The following NEGR1 variants were observed in gnomAD, a reference collection of about 807,000 sequenced individuals.
The protein encoded by NEGR1 is IgLON family member 4.
A neutral mutation model predicts 40.9 loss-of-function variants in NEGR1; 10 were observed. The ratio of observed to expected loss-of-function variants is 0.24; its 90% CI spans 0.15 to 0.42. The LOEUF is 0.42. Among genes scored for constraint, NEGR1 ranks in the 10% least tolerant of loss-of-function variants. NEGR1 has a pLI of 1.00. For synonymous variants in NEGR1, 185 were observed against 166.8 expected (o/e 1.11, Z -0.84); for missense variants, 352 against 438.9 (o/e 0.80, Z 1.77).
rs548787352 is a variant in NEGR1 at position 71,431,319 on chromosome 1, C to G, written c.941-23749G>C. ...TAAAGTAAAACATGGCTATAGCTCCCAATTTTTCTAGCAAAGTGTACAATA... is the reference window on the plus strand; with the variant it reads ...TAAAGTAAAACATGGCTATAGCTCCGAATTTTTCTAGCAAAGTGTACAATA... On this transcript the variant is annotated intron_variant, in intron 6 of 6. Transcript: ENST00000357731. 2.0e-5 allele frequency among the ~76,000 whole-genome samples: 3 copies of G among 152,074 alleles called. No homozygotes were observed. The South Asian group carries it at 6.2e-4, about 32-fold the overall frequency.
intron 1 of NEGR1, among the ~76,000 whole-genome samples, chr1:72,075,218 G>A (rs12033161): frequency 0.078 from 11,855 of 152,162 alleles, 626 homozygotes; most frequent in East Asian, 0.28. Flanking sequence ...TGTAATTAAA[G>A]TTTTGAAAAT....
intron 6 of NEGR1, among the ~76,000 whole-genome samples, chr1:71,538,453 T>C (rs572332926): frequency 6.6e-6 from 1 of 151,764 alleles, no homozygotes; most frequent in South Asian, 2.1e-4. Flanking sequence ...ACAGCAGAAA[T>C]TAATCCTTTT....
chr1:71,965,658 T>C (rs181309493), intron 1 of NEGR1, among the ~76,000 whole-genome samples: 1 of 152,338 alleles, frequency 6.6e-6, no homozygotes, highest in East Asian at 1.9e-4. Flanking sequence ...AAATATCTTA[T>C]TGTAGGTTAG....
At chr1:71,961,076 T>C (rs1445996520) in intron 1 of NEGR1, among the ~76,000 whole-genome samples, 1 of 152,174 alleles carries the variant, frequency 6.6e-6, no homozygotes. Flanking sequence ...AATTTTACCA[T>C]ATTCTTTTAT....
In NEGR1 at chr1:71,482,314, C is replaced by T. The variant is rs372801073; in HGVS notation, c.941-74744G>A. Among the ~76,000 whole-genome samples, 20 of 151,840 alleles carry T rather than the reference C, an allele frequency of 1.3e-4. No homozygotes were observed. The East Asian group carries it at 2.9e-3, about 22-fold the overall frequency. ...GGCTGAGTTGATGAGAAACATCTAG[C>T]ATGTATAGAATTTTTTTTAACATAG... On this transcript the variant is annotated intron_variant, in intron 6 of 6. Coordinates refer to ENST00000357731, the MANE Select transcript of NEGR1 (RefSeq NM_173808.3).
At chr1:71,523,863 G>C (rs942650455) in intron 6 of NEGR1, among the ~76,000 whole-genome samples, 1 of 151,868 alleles carries the variant, frequency 6.6e-6, no homozygotes, top group African/African-American at 2.4e-5. Context: ...TGGACTACAG[G>C]CATTATTTGT....
chr1:72,131,501 T>G (rs1650248165), intron 1 of NEGR1, among the ~76,000 whole-genome samples: 2 of 152,194 alleles, frequency 1.3e-5, no homozygotes, highest in Admixed American at 6.5e-5. Flanking sequence ...TATCTTATTC[T>G]CAAACAAAGC....
At chr1:71,908,598 C>G (rs2101870841) in intron 2 of NEGR1, among the ~76,000 whole-genome samples, 1 of 152,298 alleles carries the variant, frequency 6.6e-6, no homozygotes, top group Admixed American at 6.5e-5. Flanking sequence ...CAAAAACATA[C>G]TGTAAACTTA....
At chr1:71,966,746 C>A (rs558838913) in intron 1 of NEGR1, among the ~76,000 whole-genome samples, 8 of 152,102 alleles carry the variant, frequency 5.3e-5, no homozygotes, top group Non-Finnish European at 1.0e-4. Context: ...GCAGGCAAGT[C>A]AAAATTCCTG....
intron 6 of NEGR1, among the ~76,000 whole-genome samples, chr1:71,433,627 A>G (rs1056723618): frequency 6.6e-6 from 1 of 152,218 alleles, no homozygotes; most frequent in African/African-American, 2.4e-5. Context: ...AGAAACCCTG[A>G]TAAGACCAAC....
chr1:72,279,317 T>C (rs1470381021), intron 1 of NEGR1, among the ~76,000 whole-genome samples: 1 of 152,144 alleles, frequency 6.6e-6, no homozygotes, highest in Non-Finnish European at 1.5e-5. Flanking sequence ...AATGTATCAT[T>C]TGACCTTTAA....
At chr1:71,813,398 T>A (rs1292161311) in intron 2 of NEGR1, among the ~76,000 whole-genome samples, 2 of 152,168 alleles carry the variant, frequency 1.3e-5, no homozygotes, top group Non-Finnish European at 2.9e-5. Flanking sequence ...TTGTTTACGG[T>A]TGTCTTCCCT....
chr1:72,030,088 C>G (rs1443845166), intron 1 of NEGR1, among the ~76,000 whole-genome samples: 1 of 151,784 alleles, frequency 6.6e-6, no homozygotes, highest in Non-Finnish European at 1.5e-5. Flanking sequence ...AGCCAGCCCT[C>G]ATGTAGTTGC....
At chr1:71,496,201 T>C (rs1557545923) in intron 6 of NEGR1, among the ~76,000 whole-genome samples, 1 of 151,898 alleles carries the variant, frequency 6.6e-6, no homozygotes, top group African/African-American at 2.4e-5. Context: ...ATACTCTAAA[T>C]AGAGAGAAAA....
intron 6 of NEGR1, among the ~76,000 whole-genome samples, chr1:71,534,456 G>A (rs1420667040): frequency 6.6e-6 from 1 of 151,614 alleles, no homozygotes; most frequent in Non-Finnish European, 1.5e-5. Context: ...CTGCCTAGCT[G>A]ACAGCCAACA....
intron 2 of NEGR1, among the ~76,000 whole-genome samples, chr1:71,921,501 G>A (rs1242930673): frequency 1.3e-5 from 2 of 151,876 alleles, no homozygotes; most frequent in Non-Finnish European, 2.9e-5. Context: ...GTGAAGATGA[G>A]CATAAAGAAC....
At chr1:72,243,827 T>C (rs769622192) in intron 1 of NEGR1, among the ~76,000 whole-genome samples, 9 of 151,934 alleles carry the variant, frequency 5.9e-5, no homozygotes, top group Non-Finnish European at 7.4e-5. Context: ...TCAAATTATT[T>C]CTAAAAATAA....
At chr1:71,660,340 G>A (rs1371913575) in intron 4 of NEGR1, among the ~76,000 whole-genome samples, 1 of 152,066 alleles carries the variant, frequency 6.6e-6, no homozygotes, top group African/African-American at 2.4e-5. Flanking sequence ...GGGAGGGTGA[G>A]AGAAGGGAGA....
At chr1:71,700,246 T>C (rs1197851533) in intron 3 of NEGR1, among the ~76,000 whole-genome samples, 2 of 151,952 alleles carry the variant, frequency 1.3e-5, no homozygotes, top group African/African-American at 2.4e-5. Context: ...TTCCATTACA[T>C]AGAATAAGAT....
Sources: allele counts gnomAD v4.1 joint callset (sites outside exome capture counted in the v4.1 genomes callset), GRCh38; gene constraint gnomAD v4.1.1; transcripts MANE v1.5; gene names NCBI Gene and HGNC (gene_info 2026-07-23, HGNC 2026-07-21).